SYTL3: variants seen among roughly 807,000 people sequenced by gnomAD.
SYTL3 encodes the protein synaptotagmin-like protein 3.
In SYTL3, 88 loss-of-function variants were observed where a neutral mutation model predicts 82.1. That is an observed-to-expected ratio of 1.07 (90% CI 0.90 to 1.28). The LOEUF (loss-of-function observed/expected upper bound fraction) is 1.28, where lower values mean the gene tolerates loss of function less well. Ranked by LOEUF, SYTL3 falls within the 50% of genes most tolerant of loss-of-function variation. SYTL3 has a pLI of 0.00. For missense variants in SYTL3, 831 were observed against 757.6 expected, an observed-to-expected ratio of 1.10 and a Z score of -1.14; for synonymous variants, 311 against 289.4, an observed-to-expected ratio of 1.07 and a Z score of -0.76.
intron 5 of SYTL3, among the ~76,000 whole-genome samples, chr6:158,671,388 G>A (rs1035628507): frequency 3.3e-5 from 5 of 152,180 alleles, no homozygotes; most frequent in African/African-American, 1.2e-4. Flanking sequence ...CCCTGTAAGG[G>A]AGGGGAGCCC....
At chr6:158,646,566 G>A (rs1583087353), upstream of SYTL3, among the ~76,000 whole-genome samples, 1 of 152,190 alleles carries the variant, frequency 6.6e-6, no homozygotes, top group Admixed American at 6.5e-5. Context: ...GCAACTACCT[G>A]CCTCCTTGAG....
intron 4 of SYTL3, among the ~76,000 whole-genome samples, chr6:158,664,797 T>A (rs1322198053): frequency 6.6e-6 from 1 of 152,184 alleles, no homozygotes; most frequent in Non-Finnish European, 1.5e-5. Flanking sequence ...CAAGTAGGTA[T>A]CACAGACATT....
intron 2 of SYTL3, among the ~76,000 whole-genome samples, chr6:158,658,572 C>T (rs1032899333): frequency 6.6e-6 from 1 of 152,168 alleles, no homozygotes; most frequent in African/African-American, 2.4e-5. Context: ...TATGCTATAC[C>T]TCTTGGATCG....
intron 6 of SYTL3, among the ~76,000 whole-genome samples, chr6:158,697,400 C>T (rs565568075): frequency 2.0e-5 from 3 of 152,114 alleles, no homozygotes; most frequent in Admixed American, 2.0e-4. Context: ...CGCGCCACTG[C>T]ACTCCAGCCT....
At chr6:158,670,591 G>T (rs1777253477) in intron 5 of SYTL3, among the ~76,000 whole-genome samples, 1 of 151,802 alleles carries the variant, frequency 6.6e-6, no homozygotes, top group African/African-American at 2.4e-5. Flanking sequence ...AGACCAGCCT[G>T]GCCAACATGG....
chr6:158,757,703 C>T (rs1011065271), intron 14 of SYTL3, among the ~76,000 whole-genome samples: 13 of 152,230 alleles, frequency 8.5e-5, no homozygotes, highest in African/African-American at 2.9e-4. Context: ...TGGAAGCTGG[C>T]CATGCCTTTC....
chr6:158,755,709 G>A (rs1441206098), intron 13 of SYTL3, among the ~76,000 whole-genome samples: 1 of 152,208 alleles, frequency 6.6e-6, no homozygotes, highest in Non-Finnish European at 1.5e-5. Context: ...ATGAGGAGAT[G>A]AACCCCAAAG....
intron 11 of SYTL3, among the ~76,000 whole-genome samples, chr6:158,732,400 A>T (rs62431601): frequency 0.16 from 24,027 of 152,268 alleles, 2,395 homozygotes; most frequent in Non-Finnish European, 0.22. Context: ...TGGATTAAAT[A>T]TTCCATCCGC....
At chr6:158,742,879 G>C (rs117190230) in intron 11 of SYTL3, among the ~76,000 whole-genome samples, 1 of 152,070 alleles carries the variant, frequency 6.6e-6, no homozygotes, top group Non-Finnish European at 1.5e-5. Context: ...GAGCCACTGC[G>C]TCCAGCCAGC....
intron 6 of SYTL3, among the ~76,000 whole-genome samples, chr6:158,683,647 A>G (rs1208977018): frequency 6.6e-6 from 1 of 152,202 alleles, no homozygotes; most frequent in Admixed American, 6.5e-5. Context: ...AATTGTTGCA[A>G]AGTTCCTTAT....
chr6:158,755,971 G>A (rs1256052530), intron 13 of SYTL3, among the ~76,000 whole-genome samples: 1 of 152,172 alleles, frequency 6.6e-6, no homozygotes, highest in South Asian at 2.1e-4. Context: ...CCTGCAACAT[G>A]GTTTGAATTA....
upstream of SYTL3, among the ~76,000 whole-genome samples, chr6:158,648,274 CAA>C (rs367698683): frequency 1.8e-3 from 267 of 150,480 alleles, 1 homozygote; most frequent in Middle Eastern, 0.028. Context: ...GCCCGGGTAA[CAA>C]GAGCGAAACT....
At chr6:158,761,428 G>A (rs1309283072) in intron 15 of SYTL3, among the ~76,000 whole-genome samples, 16 of 146,190 alleles carry the variant, frequency 1.1e-4, no homozygotes, top group African/African-American at 3.8e-4. Flanking sequence ...TCAGCCTCCC[G>A]AGTACCTGGG....
intron 2 of SYTL3, among the ~76,000 whole-genome samples, chr6:158,658,053 C>T (rs1288736913): frequency 5.9e-5 from 9 of 151,990 alleles, no homozygotes; most frequent in South Asian, 2.1e-4. Flanking sequence ...CCACAACACC[C>T]GGCTAATTTT....
intron 2 of SYTL3, among the ~76,000 whole-genome samples, chr6:158,657,937 G>C (rs1453906279): frequency 6.6e-6 from 1 of 151,074 alleles, no homozygotes; most frequent in East Asian, 1.9e-4. Flanking sequence ...CTGTCGCCCA[G>C]GCTGGAGTGC....
Position 158,725,651 on chromosome 6 carries a change from C to T in SYTL3, c.855+14C>T, listed in dbSNP as rs939289225. The T allele has an allele frequency of 1.2e-5, 19 of 1,601,000 alleles. No homozygotes were observed. The highest frequency in any genetic ancestry group is 1.4e-5 in the Non-Finnish European group (16 of 1,175,414). Reference sequence around the variant, plus strand: ...GGTTTTAGACACGTGAGTCTCATTCCAATGCTCTTTTTTTGTTTTTTTGTT... The same window carrying T: ...GGTTTTAGACACGTGAGTCTCATTCTAATGCTCTTTTTTTGTTTTTTTGTT... On this transcript the variant is annotated intron_variant, in intron 11 of 17. Coordinates refer to ENST00000611299, the MANE Select transcript of SYTL3 (RefSeq NM_001242394.2).
intron 6 of SYTL3, among the ~76,000 whole-genome samples, chr6:158,699,614 A>G (rs6924648): frequency 0.042 from 6,389 of 152,084 alleles, 205 homozygotes; most frequent in Middle Eastern, 0.12. Flanking sequence ...CTGTGGGTAG[A>G]GGTTGTGACT....
chr6:158,742,051 C>A (rs994421208), intron 11 of SYTL3, among the ~76,000 whole-genome samples: 79 of 152,222 alleles, frequency 5.2e-4, no homozygotes, highest in African/African-American at 1.9e-3. Flanking sequence ...GTGGATGTTG[C>A]GGATTGTCTT....
At chr6:158,677,732 AC>A (rs1778225670) in intron 5 of SYTL3, among the ~76,000 whole-genome samples, 6 of 133,720 alleles carry the variant, frequency 4.5e-5, no homozygotes, top group Admixed American at 2.1e-4. Flanking sequence ...AAAAAAAAAG[AC>A]TATTTGAAAT....
Sources: gnomAD v4.1 joint callset for allele counts (sites outside exome capture counted in the v4.1 genomes callset) on GRCh38, gnomAD v4.1.1 for gene constraint, MANE v1.5 for transcripts, NCBI Gene and HGNC (gene_info 2026-07-23, HGNC 2026-07-21) for gene names.